The following NYNRIN variants were observed in gnomAD, a reference collection of about 807,000 sequenced individuals.
NYNRIN encodes the protein protein NYNRIN.
Under a neutral mutation model 146.6 loss-of-function variants are expected in NYNRIN, and 86 were observed. The ratio of observed to expected loss-of-function variants is 0.59; its 90% CI spans 0.49 to 0.70. The LOEUF (loss-of-function observed/expected upper bound fraction) is 0.70. NYNRIN is among the 30% of genes least tolerant of loss of function. The pLI is 0.00. For synonymous variants in NYNRIN, 1,027 were observed against 1,001.3 expected, an observed-to-expected ratio of 1.03 and a Z score of -0.48; for missense variants, 2,191 against 2,377.7, an observed-to-expected ratio of 0.92 and a Z score of 1.63.
In NYNRIN at chr14:24,416,708, C is replaced by CT. The variant is rs1566488514; in HGVS notation, c.4960dup (p.Tyr1654LeufsTer101). ...GGGTGGAGGCATTCCCCCTGAAGCCCTACACACACACGGCTGTGGCCCAGG... is the reference window on the plus strand; with the variant it reads ...GGGTGGAGGCATTCCCCCTGAAGCCCTTACACACACACGGCTGTGGCCCAGG... On this transcript the variant is annotated frameshift_variant, in exon 9 of 9. Transcript: ENST00000382554. LOFTEE classifies it high-confidence loss of function. The CT allele has an allele frequency of 2.5e-6, 4 of 1,613,982 alleles. No individual in the cohort carries two copies. The highest frequency in any genetic ancestry group is 3.4e-6 in the Non-Finnish European group (4 of 1,179,884).
chr14:24,403,890 T>A (rs146978058), intron 2 of NYNRIN, among the ~76,000 whole-genome samples: 7 of 152,328 alleles, frequency 4.6e-5, no homozygotes, highest in African/African-American at 1.7e-4. Flanking sequence ...AAAGGAAAAT[T>A]ATTTTCCTTC....
chr14:24,399,283 T>TG lies in NYNRIN; in HGVS notation c.39dup (p.Phe14ValfsTer23). 6.2e-7 allele frequency: 1 copy of TG among 1,613,900 alleles called. No individual in the cohort carries two copies. The highest frequency in any genetic ancestry group is 8.5e-7 in the Non-Finnish European group (1 of 1,179,850). On this transcript the variant is annotated frameshift_variant, in exon 2 of 9. Transcript: ENST00000382554. LOFTEE classifies it high-confidence loss of function. ...TGGGGGCGATCCTCCGGCGCAGGAA[T>TG]GGTTCATGGTGCAGACAAAATCGAA...
intron 2 of NYNRIN, among the ~76,000 whole-genome samples, chr14:24,400,007 G>T (rs985285322): frequency 2.0e-5 from 3 of 152,168 alleles, no homozygotes; most frequent in African/African-American, 7.2e-5. Flanking sequence ...GAGAGGGTAA[G>T]GGGCCTGGCT....
chr14:24,399,499 C>A, intron 2 of NYNRIN, 55 bp downstream of exon 2: 1 of 1,472,712 alleles, frequency 6.8e-7, no homozygotes, highest in Non-Finnish European at 9.2e-7. Flanking sequence ...CACTCTCTCC[C>A]CTTCCCCTGG....
chr14:24,412,890 T>C, intron 6 of NYNRIN, 107 bp from the exon 7 acceptor site: 2 of 714,140 alleles, frequency 2.8e-6, no homozygotes, highest in South Asian at 3.4e-5. Flanking sequence ...GGGCAGTGTC[T>C]TTGTCTGACA....
At chr14:24,405,251 A>G (rs947089571) in intron 2 of NYNRIN, among the ~76,000 whole-genome samples, 1 of 152,182 alleles carries the variant, frequency 6.6e-6, no homozygotes, top group Non-Finnish European at 1.5e-5. Flanking sequence ...TAGACAATGA[A>G]TGATAACTGA....
Position 24,411,568 on chromosome 14 carries a change from G to C in NYNRIN, c.2642+118G>C. ...TGGAGGCAAACATGTTGGGGGTGTC[G>C]GTTGTGCAGAGGGTGGGGTGGAGCA... is the stretch of plus-strand genomic sequence containing the variant. On this transcript the variant is annotated intron_variant, in intron 6 of 8. Transcript: ENST00000382554. The surrounding 1 kb of genome is among the most constrained non-coding windows in gnomAD (Gnocchi z 4.3). The C allele has an allele frequency of 1.1e-6, 1 of 872,424 alleles. No homozygotes were observed. 54.0% of individuals were successfully genotyped at this position (872,424 alleles called of 1,614,324 possible). A position where few individuals can be genotyped will look rare whatever the true frequency, so the allele number is the denominator to read the frequency against.
Position 24,408,830 on chromosome 14 carries a change from C to T in NYNRIN, c.1036C>T (p.Pro346Ser). 6.2e-7 allele frequency: 1 copy of T among 1,614,048 alleles called. No homozygotes were observed. Among genetic ancestry groups the T allele is most frequent in the Non-Finnish European group, 8.5e-7 (1 of 1,179,892 alleles). Residue 346 changes from proline to serine, a missense_variant, in exon 4 of 9, where the codon CCC (proline) becomes TCC (serine). By Grantham distance (74) the Pro-to-Ser change is moderately conservative. Coordinates refer to ENST00000382554, the MANE Select transcript of NYNRIN (RefSeq NM_025081.3). ...AGTATCAGCCCTGGGTGTGTGCCCA[C>T]CCTGGAAGGCCTGGACCCCGGGGCC... ...PPVSALGVCP[P>S]WKAWTPGPAF...
At position 24,408,821 on chromosome 14, in the gene NYNRIN, G is replaced by T. The variant is rs1159240810; in HGVS notation, c.1027G>T (p.Val343Leu). Residue 343 changes from valine (V) to leucine (L), a missense_variant, in exon 4 of 9, where the codon GTG becomes TTG. By Grantham distance (32) the Val-to-Leu change is conservative. Transcript: ENST00000382554. The stretch of plus-strand genomic sequence containing the variant: ...CCAACCTCCAGTATCAGCCCTGGGT[G>T]TGTGCCCACCCTGGAAGGCCTGGAC... ...LFQPPVSALG[V>L]CPPWKAWTPG... is the part of the protein sequence containing the mutation. 1.9e-6 allele frequency: 3 copies of T among 1,613,956 alleles called. No individual in the cohort carries two copies. Among genetic ancestry groups the T allele is most frequent in the Admixed American group, 1.7e-5 (1 of 60,012 alleles).
chr14:24,414,821 G>A lies in NYNRIN; in HGVS notation c.3072G>A (p.Ala1024=), dbSNP rs758892479. 2.0e-5 allele frequency: 32 copies of A among 1,613,496 alleles called. No individual in the cohort carries two copies. The highest frequency in any genetic ancestry group is 1.1e-5 in the South Asian group (1 of 91,052). The change falls in exon 9 of 9, where the codon GCG becomes GCA. Residue 1024 remains alanine (A), a synonymous_variant. Transcript: ENST00000382554. The part of the protein sequence containing the change: ...AEEDDLDSSL[A]SVFRVECPSL... ...AGGACGACCTTGACTCTTCGCTGGC[G>A]TCAGTGTTCAGGGTGGAGTGCCCGT...
chr14:24,402,929 C>G (rs1179967727), intron 2 of NYNRIN, among the ~76,000 whole-genome samples: 1 of 152,228 alleles, frequency 6.6e-6, no homozygotes, highest in Non-Finnish European at 1.5e-5. Context: ...TCCCCACTGA[C>G]AGTATTTGCT....
rs760202880 is a variant in NYNRIN, at chr14:24,409,215, C to T, written c.1421C>T (p.Ser474Leu). The T allele has an allele frequency of 1.4e-5, 23 of 1,613,888 alleles. No homozygotes were observed. Among genetic ancestry groups the T allele is most frequent in the Non-Finnish European group, 1.5e-5 (18 of 1,179,830 alleles). ...TCAGATGTAAAAGACAAAGTTAGCT[C>T]GGATCTCCCACAGATAGGGCCACCC... ...GSSDVKDKVSSDLPQIGPPLT... is the reference protein window; with the variant it reads ...GSSDVKDKVSLDLPQIGPPLT... Residue 474 changes from serine (S) to leucine (L), a missense_variant, in exon 4 of 9, where the codon TCG becomes TTG. This residue lies in a region of NYNRIN where 895 missense variants were observed against 941.2 expected (regional missense o/e 0.95). Coordinates refer to ENST00000382554, the MANE Select transcript of NYNRIN (RefSeq NM_025081.3).
chr14:24,414,256 C>T (rs1404209430), intron 8 of NYNRIN, among the ~76,000 whole-genome samples: 1 of 152,256 alleles, frequency 6.6e-6, no homozygotes, highest in African/African-American at 2.4e-5. Flanking sequence ...ACTGCCCCCC[C>T]TTTTCCAGGA....
At position 24,408,705 on chromosome 14, in the gene NYNRIN, T is replaced by C. The variant is rs1265932641; in HGVS notation, c.911T>C (p.Val304Ala). The C allele has an allele frequency of 1.2e-6, 2 of 1,613,552 alleles. No homozygotes were observed. The highest frequency in any genetic ancestry group is 1.7e-5 in the Admixed American group (1 of 59,966). Residue 304 changes from valine (V) to alanine (A), a missense_variant, in exon 4 of 9, where the codon GTG becomes GCG. By Grantham distance (64) the Val-to-Ala change is moderately conservative. Around this residue, in one of 3 missense-constraint regions of NYNRIN, gnomAD observed 895 missense variants for 941.2 expected, o/e 0.95. Coordinates refer to ENST00000382554, the MANE Select transcript of NYNRIN (RefSeq NM_025081.3). Reference sequence around the variant, plus strand: ...GACAGTGCTCAAGAGGAAGGGACAGTGCAAGCCACCAGCAGCCAGGACTCC... The same window carrying C: ...GACAGTGCTCAAGAGGAAGGGACAGCGCAAGCCACCAGCAGCCAGGACTCC... ...GMDSAQEEGT[V>A]QATSSQDSTN...
intron 2 of NYNRIN, among the ~76,000 whole-genome samples, chr14:24,400,066 C>G (rs138009216): frequency 1.3e-5 from 2 of 152,066 alleles, no homozygotes; most frequent in African/African-American, 4.8e-5. Context: ...GACCAGAACC[C>G]AGGGCTCTGG....
rs761316892 is a variant in NYNRIN at position 24,409,892 on chromosome 14, C to G, written c.2098C>G (p.Leu700Val). Residue 700 changes from leucine to valine, a missense_variant, in exon 4 of 9, where the codon CTG becomes GTG. Physicochemically the swap from Leu to Val is conservative, Grantham distance 32 (BLOSUM62 1). Transcript: ENST00000382554. ...GCCAACCTTGGATGTAGCCAGACTTCTGAGTGAGGTCCAGCCTACATCAAG... is the reference window on the plus strand; with the variant it reads ...GCCAACCTTGGATGTAGCCAGACTTGTGAGTGAGGTCCAGCCTACATCAAG... The part of the protein sequence containing the change: ...AGPTLDVARL[L>V]SEVQPTSRAS... The G allele has an allele frequency of 1.2e-5, 19 of 1,613,448 alleles. No homozygotes were observed. The Admixed American group carries it at 3.0e-4, about 26-fold the overall frequency.
chr14:24,406,605 C>T (rs777682473), intron 2 of NYNRIN, among the ~76,000 whole-genome samples: 2 of 152,198 alleles, frequency 1.3e-5, no homozygotes, highest in Non-Finnish European at 2.9e-5. Flanking sequence ...GGAAGAGGGA[C>T]ACGTAGGCCT....
At chr14:24,407,007 G>A (rs551255492) in intron 2 of NYNRIN, among the ~76,000 whole-genome samples, 2 of 152,326 alleles carry the variant, frequency 1.3e-5, no homozygotes, top group East Asian at 1.9e-4. Flanking sequence ...GGTTCCCCTG[G>A]ACACTGGCCC....
In NYNRIN at chr14:24,416,483, T is replaced by C; in HGVS notation, c.4734T>C (p.His1578=). The C allele has an allele frequency of 1.2e-6, 2 of 1,613,390 alleles. No homozygotes were observed. Among genetic ancestry groups the C allele is most frequent in the South Asian group, 1.1e-5 (1 of 91,012 alleles). ...GGTGGTGGCCTGGGATGCAGGAGCA[T>C]GTGAAAGATTACTGCAGGAGCTGCT... The part of the protein sequence containing the change: ...LLGWWPGMQE[H]VKDYCRSCLF... The change falls in exon 9 of 9, where the codon CAT becomes CAC. Residue 1578 remains histidine (H), a synonymous_variant. Transcript: ENST00000382554.
Sources: allele counts gnomAD v4.1 joint callset (sites outside exome capture counted in the v4.1 genomes callset), GRCh38; gene constraint gnomAD v4.1.1; regional missense constraint gnomAD v4.1.1; non-coding constraint Gnocchi (gnomAD v3.1); transcripts MANE v1.5; gene names NCBI Gene and HGNC (gene_info 2026-07-23, HGNC 2026-07-21).